The following MYO16 variants were observed in gnomAD, a reference collection of about 807,000 sequenced individuals.
MYO16 encodes the protein myosin XVI, also known as unconventional myosin-XVI.
In MYO16, 94 loss-of-function variants were observed where a neutral mutation model predicts 205.3. That is an observed-to-expected ratio of 0.46 (90% CI 0.39 to 0.54). MYO16 has a LOEUF of 0.54. MYO16 is among the 20% of genes least tolerant of loss of function. The pLI is 0.00. For missense variants in MYO16, 2,315 were observed against 2,387.5 expected (o/e 0.97, Z 0.63); for synonymous variants, 988 against 954.0 (o/e 1.04, Z -0.66).
chr13:108,647,581 TC>T (rs1210894815), intron 1 of MYO16, among the ~76,000 whole-genome samples: 3 of 152,200 alleles, frequency 2.0e-5, no homozygotes, highest in Non-Finnish European at 4.4e-5. Flanking sequence ...TCCATTTTTT[TC>T]TCAACTTAAA....
chr13:108,496,084 C>T, the MYO16 span, among the ~76,000 whole-genome samples: 1 of 152,158 alleles, frequency 6.6e-6, no homozygotes, highest in African/African-American at 2.4e-5. Flanking sequence ...GCGCTGGGTC[C>T]CCACCCAGAG....
the MYO16 span, among the ~76,000 whole-genome samples, chr13:108,566,245 G>A: frequency 1.3e-5 from 2 of 152,008 alleles, no homozygotes; most frequent in Non-Finnish European, 2.9e-5. Context: ...CTTCATGGTT[G>A]AATATTGGTA....
At chr13:109,122,806 C>T (rs1876056319) in intron 29 of MYO16, among the ~76,000 whole-genome samples, 1 of 151,674 alleles carries the variant, frequency 6.6e-6, no homozygotes, top group South Asian at 2.1e-4. Context: ...AAATGCAAAG[C>T]ATTAATTATT....
intron 16 of MYO16, among the ~76,000 whole-genome samples, chr13:108,947,288 T>G (rs1250357904): frequency 6.6e-6 from 1 of 152,182 alleles, no homozygotes; most frequent in Non-Finnish European, 1.5e-5. Flanking sequence ...TGAGGAGGAC[T>G]TCAGCACCTG....
chr13:109,107,080 C>A (rs1889141550), intron 28 of MYO16, among the ~76,000 whole-genome samples: 1 of 152,134 alleles, frequency 6.6e-6, no homozygotes, highest in African/African-American at 2.4e-5. Flanking sequence ...ATCCCAAGTA[C>A]CGGCATGATA....
intron 16 of MYO16, among the ~76,000 whole-genome samples, chr13:108,939,261 G>A (rs746471117): frequency 5.3e-5 from 8 of 152,148 alleles, no homozygotes; most frequent in African/African-American, 9.7e-5. Flanking sequence ...AAGCCTCTCC[G>A]CCAGGTAACT....
At position 108,983,110 on chromosome 13, in the gene MYO16, A is replaced by G. The variant is rs906522332; in HGVS notation, c.2370-9266A>G. Among the ~76,000 whole-genome samples the G allele has an allele frequency of 6.6e-5, 10 of 152,358 alleles. No individual in the cohort carries two copies. In the South Asian group the frequency reaches 1.9e-3, roughly 28 times the overall value. On this transcript the variant is annotated intron_variant, in intron 20 of 34. Coordinates refer to ENST00000457511, the MANE Select transcript of MYO16 (RefSeq NM_001198950.3). ...TAAGGCCAAAGACTAAATCAAAACA[A>G]GAAAGGTAGATTGTAATTCTCTAAT...
At chr13:108,572,117 G>A in the MYO16 span, among the ~76,000 whole-genome samples, 3 of 151,842 alleles carry the variant, frequency 2.0e-5, no homozygotes, top group African/African-American at 4.8e-5. Context: ...TGTAGAGTTG[G>A]GGTCTGGCTA....
intron 23 of MYO16, among the ~76,000 whole-genome samples, chr13:109,027,099 C>A (rs1016268271): frequency 6.6e-6 from 1 of 152,088 alleles, no homozygotes; most frequent in African/African-American, 2.4e-5. Flanking sequence ...GGGTTGGTTA[C>A]TTCTGGAGAC....
intron 2 of MYO16, among the ~76,000 whole-genome samples, chr13:108,683,822 A>T (rs1882563044): frequency 6.6e-6 from 1 of 152,334 alleles, no homozygotes; most frequent in Admixed American, 6.5e-5. Flanking sequence ...AGTGGGACAG[A>T]TGATAGGAAG....
chr13:108,536,051 G>A, the MYO16 span, among the ~76,000 whole-genome samples: 1 of 151,634 alleles, frequency 6.6e-6, no homozygotes, highest in Non-Finnish European at 1.5e-5. Flanking sequence ...GTGTGTGCAC[G>A]TGTGTGAGTG....
chr13:108,736,709 A>G (rs1884714653), intron 4 of MYO16, among the ~76,000 whole-genome samples: 1 of 152,158 alleles, frequency 6.6e-6, no homozygotes, highest in South Asian at 2.1e-4. Flanking sequence ...TGGGGATGGC[A>G]TTGAATCTAT....
At chr13:108,602,935 C>T (rs887601594) in intron 1 of MYO16, among the ~76,000 whole-genome samples, 1 of 152,068 alleles carries the variant, frequency 6.6e-6, no homozygotes, top group African/African-American at 2.4e-5. Context: ...AGGGAACATT[C>T]CTGGAGAAAG....
the MYO16 span, among the ~76,000 whole-genome samples, chr13:108,526,370 CAG>C: frequency 2.0e-5 from 3 of 152,104 alleles, no homozygotes; most frequent in Non-Finnish European, 2.9e-5. Context: ...AGAAAACTTT[CAG>C]AGAGGTAAAA....
intron 34 of MYO16, among the ~76,000 whole-genome samples, chr13:109,188,549 C>T (rs1339816636): frequency 1.3e-5 from 2 of 152,128 alleles, no homozygotes; most frequent in African/African-American, 4.8e-5. Flanking sequence ...ACAGAACTAA[C>T]ACGATAGATG....
At chr13:108,917,227 A>ATCTTGGTG (rs147946633) in intron 16 of MYO16, among the ~76,000 whole-genome samples, 8,080 of 152,198 alleles carry the variant, frequency 0.053, 284 homozygotes, top group Non-Finnish European at 0.077. Flanking sequence ...CCAAAAGGCC[A>ATCTTGGTG]TCTTGGTGGC....
At chr13:109,017,315 G>T (rs991331630) in intron 22 of MYO16, among the ~76,000 whole-genome samples, 4 of 152,056 alleles carry the variant, frequency 2.6e-5, no homozygotes, top group South Asian at 2.1e-4. Flanking sequence ...TGGCTTTTAC[G>T]GTTTCTGCCG....
intron 16 of MYO16, among the ~76,000 whole-genome samples, chr13:108,943,793 G>T (rs569150408): frequency 1.3e-5 from 2 of 152,114 alleles, no homozygotes; most frequent in Non-Finnish European, 2.9e-5. Context: ...CACCATGTTG[G>T]CCAGAATGGT....
chr13:108,668,280 G>A (rs1014457788), intron 2 of MYO16, among the ~76,000 whole-genome samples: 2 of 152,162 alleles, frequency 1.3e-5, no homozygotes, highest in African/African-American at 4.8e-5. Context: ...GTTTCTGGTG[G>A]CAAGCTAGGC....
Sources: allele counts gnomAD v4.1 joint callset (sites outside exome capture counted in the v4.1 genomes callset), GRCh38; gene constraint gnomAD v4.1.1; transcripts MANE v1.5; gene names NCBI Gene and HGNC (gene_info 2026-07-23, HGNC 2026-07-21).